The following PTPRD variants were observed in gnomAD, a reference collection of about 807,000 sequenced individuals.
The protein encoded by PTPRD is receptor-type tyrosine-protein phosphatase delta.
A neutral mutation model predicts 214.5 loss-of-function variants in PTPRD; 34 were observed. The observed-to-expected ratio is 0.16, with a 90% CI of 0.12 to 0.21. The LOEUF is 0.21. PTPRD is among the 10% of genes least tolerant of loss of function. The probability of loss-of-function intolerance (pLI) is 1.00; values close to 1 mark genes in which losing one functional copy is unlikely to be tolerated. For missense variants in PTPRD, 2,545 were observed against 2,398.7 expected (o/e 1.06, Z -1.27); for synonymous variants, 1,128 against 845.7 (o/e 1.33, Z -5.79).
chr9:8,787,868 C>G (rs1479848779), intron 11 of PTPRD, among the ~76,000 whole-genome samples: 1 of 150,734 alleles, frequency 6.6e-6, no homozygotes, highest in African/African-American at 2.5e-5. Flanking sequence ...ATCTTGCTTA[C>G]TATAATTTCA....
In PTPRD at chr9:9,664,939, A is replaced by G. The variant is rs564806609; in HGVS notation, c.-287+69594T>C. ...TTCCTAGAACAGAAACTTGTATTTTAAAATATAATTTATTTCATTGAATGA... is the reference window on the plus strand; with the variant it reads ...TTCCTAGAACAGAAACTTGTATTTTGAAATATAATTTATTTCATTGAATGA... On this transcript the variant is annotated intron_variant, in intron 7 of 45. Coordinates refer to ENST00000381196, the MANE Select transcript of PTPRD (RefSeq NM_002839.4). 2.5e-3 allele frequency among the ~76,000 whole-genome samples: 377 copies of G among 151,832 alleles called. 2 individuals carry two copies. The highest frequency in any genetic ancestry group is 8.5e-3 in the African/African-American group (352 of 41,538).
At chr9:9,101,655 C>T (rs753727257) in intron 10 of PTPRD, among the ~76,000 whole-genome samples, 1 of 152,046 alleles carries the variant, frequency 6.6e-6, no homozygotes, top group Non-Finnish European at 1.5e-5. Flanking sequence ...TGTCATTATC[C>T]ACAGACAACT....
At chr9:9,933,979 C>T (rs1334611507) in intron 5 of PTPRD, among the ~76,000 whole-genome samples, 7 of 146,188 alleles carry the variant, frequency 4.8e-5, no homozygotes, top group Non-Finnish European at 8.9e-5. Context: ...TGAATGACTA[C>T]TGGGTACATA....
intron 5 of PTPRD, among the ~76,000 whole-genome samples, chr9:9,788,066 G>A (rs1457595539): frequency 6.6e-6 from 1 of 151,580 alleles, no homozygotes. Context: ...TTACAGGCGT[G>A]AGCCATCGCG....
intron 5 of PTPRD, among the ~76,000 whole-genome samples, chr9:9,801,702 A>AGGGG (rs1371051048): frequency 6.6e-6 from 1 of 152,074 alleles, no homozygotes; most frequent in African/African-American, 2.4e-5. Flanking sequence ...ACTGTTGGAA[A>AGGGG]TTATTGGAGG....
chr9:8,586,517 CA>C (rs973686506), intron 14 of PTPRD, among the ~76,000 whole-genome samples: 52 of 151,682 alleles, frequency 3.4e-4, no homozygotes, highest in African/African-American at 4.8e-5. Flanking sequence ...AGGCAATTAT[CA>C]AAAAAAGGGA....
intron 9 of PTPRD, among the ~76,000 whole-genome samples, chr9:9,192,101 A>AT: frequency 6.6e-6 from 1 of 152,190 alleles, no homozygotes; most frequent in Non-Finnish European, 1.5e-5. Context: ...ATTTTGAGTC[A>AT]TCTGAATCTA....
At chr9:10,061,654 A>C (rs2097779310) in intron 3 of PTPRD, among the ~76,000 whole-genome samples, 1 of 152,088 alleles carries the variant, frequency 6.6e-6, no homozygotes, top group Non-Finnish European at 1.5e-5. Flanking sequence ...CAAATTAGGA[A>C]ATTTAAGAGG....
chr9:8,371,191 G>T lies in PTPRD; in HGVS notation c.4661+4745C>A, dbSNP rs144319473. ...AAGTAAGGCAAAGGCAATTTAAAAA[G>T]TAAGCTCTCATAAAGAAATACCCCA... On this transcript the variant is annotated intron_variant, in intron 39 of 45. Coordinates refer to ENST00000381196, the MANE Select transcript of PTPRD (RefSeq NM_002839.4). Among the ~76,000 whole-genome samples, 505 of 152,008 alleles carry T rather than the reference G, an allele frequency of 3.3e-3. 3 individuals are homozygous for T. The highest frequency in any genetic ancestry group is 0.011 in the African/African-American group (466 of 41,476).
At chr9:9,864,991 T>G (rs959929041) in intron 5 of PTPRD, among the ~76,000 whole-genome samples, 3 of 151,968 alleles carry the variant, frequency 2.0e-5, no homozygotes, top group East Asian at 3.8e-4. Flanking sequence ...TTAAATAGAT[T>G]ATCTCTATAT....
At chr9:10,238,599 C>G (rs2099636820) in intron 3 of PTPRD, among the ~76,000 whole-genome samples, 2 of 151,754 alleles carry the variant, frequency 1.3e-5, no homozygotes, top group African/African-American at 4.8e-5. Context: ...TATACTTTTC[C>G]TTAAATGTAT....
intron 14 of PTPRD, among the ~76,000 whole-genome samples, chr9:8,588,342 C>A (rs896655342): frequency 6.6e-6 from 1 of 152,120 alleles, no homozygotes. Flanking sequence ...GAAAATCTTA[C>A]CAGCTGACAT....
At chr9:8,799,167 G>T (rs921628666) in intron 11 of PTPRD, among the ~76,000 whole-genome samples, 1 of 152,116 alleles carries the variant, frequency 6.6e-6, no homozygotes, top group African/African-American at 2.4e-5. Context: ...TTTCAAATTT[G>T]TCTGTTTTAA....
chr9:8,614,527 C>T (rs1180200995), intron 14 of PTPRD, among the ~76,000 whole-genome samples: 2 of 152,266 alleles, frequency 1.3e-5, no homozygotes, highest in Middle Eastern at 3.4e-3. Context: ...AGAAGATAAT[C>T]ACTTAAGTAC....
intron 6 of PTPRD, among the ~76,000 whole-genome samples, chr9:9,765,524 T>C (rs971944429): frequency 6.6e-6 from 1 of 152,192 alleles, no homozygotes; most frequent in Non-Finnish European, 1.5e-5. Flanking sequence ...GAACCTTGAA[T>C]AGGATAGCTG....
intron 35 of PTPRD, among the ~76,000 whole-genome samples, chr9:8,413,521 C>A (rs1564632308): frequency 6.6e-6 from 1 of 152,148 alleles, no homozygotes; most frequent in Non-Finnish European, 1.5e-5. Context: ...GTACAACTAT[C>A]TCACTAAAAA....
chr9:9,875,329 T>C (rs1484057086), intron 5 of PTPRD, among the ~76,000 whole-genome samples: 1 of 152,034 alleles, frequency 6.6e-6, no homozygotes, highest in Non-Finnish European at 1.5e-5. Context: ...TAAGTTTTAT[T>C]GTACAGTACC....
intron 5 of PTPRD, among the ~76,000 whole-genome samples, chr9:9,938,252 C>A (rs1438035409): frequency 6.6e-6 from 1 of 152,092 alleles, no homozygotes; most frequent in African/African-American, 2.4e-5. Context: ...ATATTTTGAT[C>A]CTCAGTTCAG....
At chr9:9,250,668 A>G (rs1255956784) in intron 9 of PTPRD, among the ~76,000 whole-genome samples, 3 of 152,092 alleles carry the variant, frequency 2.0e-5, no homozygotes, top group Non-Finnish European at 4.4e-5. Context: ...TCTGCCTTTT[A>G]GATTGGCTCA....
Sources: allele counts gnomAD v4.1 joint callset (sites outside exome capture counted in the v4.1 genomes callset), GRCh38; gene constraint gnomAD v4.1.1; transcripts MANE v1.5; gene names NCBI Gene and HGNC (gene_info 2026-07-23, HGNC 2026-07-21).